Variants in NDEL1 observed in about 807,000 individuals in gnomAD.
NDEL1 encodes nudE neurodevelopment protein 1 like 1.
In NDEL1, 9 loss-of-function variants were observed where a neutral mutation model predicts 45.7. The ratio of observed to expected loss-of-function variants is 0.20; its 90% confidence interval spans 0.12 to 0.34. The LOEUF is 0.34. Ranked by LOEUF, NDEL1 falls within the 10% of genes least tolerant of loss-of-function variation. The probability of loss-of-function intolerance (pLI) is 1.00; values close to 1 mark genes in which losing one functional copy is unlikely to be tolerated. For synonymous variants in NDEL1, 133 were observed against 158.6 expected (o/e 0.84, Z 1.21); for missense variants, 306 against 406.2 (o/e 0.75, Z 2.12).
At chr17:8,472,495 C>G (rs1241870231), downstream of NDEL1, among the ~76,000 whole-genome samples, 1 of 151,832 alleles carries the variant, frequency 6.6e-6, no homozygotes, top group African/African-American at 2.4e-5. Context: ...CCCGTTTCTA[C>G]AAAAAAAGAA....
At chr17:8,454,399 A>G in intron 6 of NDEL1, among the ~76,000 whole-genome samples, 1 of 152,278 alleles carries the variant, frequency 6.6e-6, no homozygotes, top group East Asian at 1.9e-4. Flanking sequence ...AAAAGATAAT[A>G]TCTAATATTA....
At chr17:8,424,928 C>T (rs950747048) in intron 1 of NDEL1, among the ~76,000 whole-genome samples, 3 of 152,200 alleles carry the variant, frequency 2.0e-5, no homozygotes, top group African/African-American at 2.4e-5. Flanking sequence ...CTTGCTGCCA[C>T]GGTGCTGGGA....
chr17:8,419,797 G>C (rs1424276356), intron 1 of NDEL1, among the ~76,000 whole-genome samples: 3 of 152,104 alleles, frequency 2.0e-5, no homozygotes, highest in Non-Finnish European at 4.4e-5. Flanking sequence ...TTTGTTGCTG[G>C]GTCAGAGGGA....
chr17:8,417,873 C>G (rs1908592214), intron 1 of NDEL1, among the ~76,000 whole-genome samples: 1 of 152,244 alleles, frequency 6.6e-6, no homozygotes, highest in South Asian at 2.1e-4. Context: ...ACCTCCTTCT[C>G]CTGCTGGGGT....
chr17:8,463,419 A>G (rs1911357879), intron 8 of NDEL1: 1 of 1,504,320 alleles, frequency 6.6e-7, no homozygotes, highest in African/African-American at 1.4e-5. Context: ...GGTGGAAGAC[A>G]CATTAACAAT....
At chr17:8,435,672 A>G (rs1055425713), upstream of NDEL1, among the ~76,000 whole-genome samples, 25 of 152,256 alleles carry the variant, frequency 1.6e-4, no homozygotes, top group African/African-American at 6.0e-4. Context: ...GAACTGCACA[A>G]GCCAAAACCA....
Position 8,450,910 on chromosome 17 carries a change from C to T in NDEL1, c.657C>T (p.Thr219=), listed in dbSNP as rs1487734009. The T allele has an allele frequency of 6.2e-7, 1 of 1,612,216 alleles. No homozygotes were observed. The highest frequency in any genetic ancestry group is 2.2e-5 in the East Asian group (1 of 44,736). The change falls in exon 6 of 9, where the codon ACC becomes ACT. Residue 219 remains threonine, a synonymous_variant. Coordinates refer to ENST00000334527, the MANE Select transcript of NDEL1 (RefSeq NM_030808.5). The part of the protein sequence containing the change: ...AVQASLSLPA[T]PVGKGTENTF... ...AAGCATCACTTTCTTTGCCAGCTAC[C>T]CCTGTTGGCAAAGGAACGGAGAACA...
intron 1 of NDEL1, chr17:8,436,762 T>G (rs1909373713): frequency 6.6e-6 from 1 of 152,282 alleles, no homozygotes; most frequent in Non-Finnish European, 1.5e-5. Context: ...TTCAGAGCAC[T>G]CTTCTTCCTA....
downstream of NDEL1, among the ~76,000 whole-genome samples, chr17:8,468,459 A>G (rs539536702): frequency 6.6e-6 from 1 of 152,392 alleles, no homozygotes; most frequent in East Asian, 1.9e-4. Flanking sequence ...ACAAAGTCCC[A>G]GAGTAACTGG....
chr17:8,417,264 G>C (rs899239338), intron 1 of NDEL1, among the ~76,000 whole-genome samples: 2 of 152,038 alleles, frequency 1.3e-5, no homozygotes, highest in African/African-American at 4.8e-5. Context: ...TTACAGGCAT[G>C]TGCCACCATG....
intron 1 of NDEL1, among the ~76,000 whole-genome samples, chr17:8,427,478 A>G (rs1597514190): frequency 6.6e-6 from 1 of 152,272 alleles, no homozygotes; most frequent in South Asian, 2.1e-4. Flanking sequence ...AGGCAGGCAG[A>G]TCATTTGAGG....
chr17:8,451,004 G>A (rs763441222), intron 6 of NDEL1, 51 bp downstream of exon 6: 6 of 1,528,814 alleles, frequency 3.9e-6, no homozygotes, highest in Non-Finnish European at 5.3e-6. Flanking sequence ...ATCAGCTTAC[G>A]GGGGTTTGTT....
downstream of NDEL1, among the ~76,000 whole-genome samples, chr17:8,473,068 A>C (rs1205036687): frequency 6.6e-6 from 1 of 152,170 alleles, no homozygotes; most frequent in African/African-American, 2.4e-5. Flanking sequence ...TTTAGTTATT[A>C]AATAGTATCT....
upstream of NDEL1, among the ~76,000 whole-genome samples, chr17:8,432,386 A>AATATATATATATATAT (rs1909039078): frequency 2.1e-5 from 2 of 94,776 alleles, no homozygotes; most frequent in African/African-American, 4.4e-5. Context: ...TGGCAGGCCA[A>AATATATATATATATAT]TATATATATA....
chr17:8,446,672 C>A (rs1374894193), intron 3 of NDEL1, 82 bp from the exon 4 acceptor site: 11 of 1,472,090 alleles, frequency 7.5e-6, no homozygotes, highest in Non-Finnish European at 1.0e-5. Flanking sequence ...GGGTTCCCCC[C>A]CACCCTTTTA....
intron 1 of NDEL1, among the ~76,000 whole-genome samples, chr17:8,415,909 G>T (rs1353994564): frequency 6.6e-6 from 1 of 152,022 alleles, no homozygotes; most frequent in Non-Finnish European, 1.5e-5. Context: ...CACCATGTCC[G>T]GCTACTTTTT....
chr17:8,415,801 G>A (rs1597510012), intron 1 of NDEL1, among the ~76,000 whole-genome samples: 1 of 152,114 alleles, frequency 6.6e-6, no homozygotes, highest in East Asian at 1.9e-4. Context: ...AGGCTGGAGT[G>A]TGATGGCGCG....
intron 6 of NDEL1, among the ~76,000 whole-genome samples, chr17:8,452,018 A>G (rs960349418): frequency 1.3e-5 from 2 of 152,184 alleles, no homozygotes; most frequent in Non-Finnish European, 2.9e-5. Context: ...AGGTAATTCA[A>G]CTTGTCTTTG....
intron 1 of NDEL1, among the ~76,000 whole-genome samples, chr17:8,439,949 A>G (rs904277687): frequency 5.9e-5 from 9 of 152,228 alleles, no homozygotes. Flanking sequence ...TAGATGCATC[A>G]GTAGCGAGTC....
Sources: gnomAD v4.1 joint callset for allele counts (sites outside exome capture counted in the v4.1 genomes callset) on GRCh38, gnomAD v4.1.1 for gene constraint, MANE v1.5 for transcripts, NCBI Gene and HGNC (gene_info 2026-07-23, HGNC 2026-07-21) for gene names.